Variants in FBXO31 observed in about 807,000 individuals in gnomAD.
FBXO31 encodes the protein F-box only protein 31.
In FBXO31, 24 loss-of-function variants were observed where a neutral mutation model predicts 54.4. The observed-to-expected ratio is 0.44, with a 90% confidence interval of 0.32 to 0.62. The LOEUF is 0.62. FBXO31 is among the 20% of genes least tolerant of loss of function. The pLI, the probability that FBXO31 is intolerant of heterozygous loss-of-function variation, is 0.05. For missense variants in FBXO31, 665 were observed against 787.1 expected (o/e 0.84, Z 1.86); for synonymous variants, 388 against 335.6 (o/e 1.16, Z -1.71).
At chr16:87,371,260 G>T (rs1001916209) in intron 1 of FBXO31, among the ~76,000 whole-genome samples, 12 of 152,228 alleles carry the variant, frequency 7.9e-5, no homozygotes, top group African/African-American at 2.9e-4. Context: ...CAGTAGCCAT[G>T]TGGACAGGAG....
At chr16:87,373,270 T>A (rs1439054593) in intron 1 of FBXO31, among the ~76,000 whole-genome samples, 1 of 151,706 alleles carries the variant, frequency 6.6e-6, no homozygotes, top group Non-Finnish European at 1.5e-5. Flanking sequence ...GCTAACACAG[T>A]GAAACCCTGT....
chr16:87,374,317 G>C (rs935737544), intron 1 of FBXO31, among the ~76,000 whole-genome samples: 15 of 151,918 alleles, frequency 9.9e-5, no homozygotes, highest in Non-Finnish European at 5.9e-5. Flanking sequence ...CCTAACCTAC[G>C]GAACATCACA....
Position 87,331,026 on chromosome 16 carries a change from C to G in FBXO31, c.*262G>C. The G allele has an allele frequency of 2.2e-6, 1 of 445,318 alleles. No individual in the cohort carries two copies. Among genetic ancestry groups the G allele is most frequent in the East Asian group, 4.2e-5 (1 of 23,946 alleles). The allele number at this position is 445,318 out of a possible 1,614,324, so 27.6% of individuals were successfully genotyped here. On this transcript the variant is annotated 3_prime_UTR_variant, in exon 9 of 9. Coordinates refer to ENST00000311635, the MANE Select transcript of FBXO31 (RefSeq NM_024735.5). ...AATTCTCACGCGGTCCCACGGCTGT[C>G]CCCTACATCTGCTGTATTCAGGCTC...
rs1476703329 is a variant in FBXO31 at position 87,346,555 on chromosome 16, G to T, written c.489+619C>A. Reference sequence around the variant, plus strand: ...ACGAACAGGAAAGAAATGTCCTCACGGGTCCTCAGACCCCAACGGCAAGCA... The same window carrying T: ...ACGAACAGGAAAGAAATGTCCTCACTGGTCCTCAGACCCCAACGGCAAGCA... On this transcript the variant is annotated intron_variant, in intron 3 of 8. Coordinates refer to ENST00000311635, the MANE Select transcript of FBXO31 (RefSeq NM_024735.5). This position sits in a 1 kb window ranked among gnomAD's most constrained non-coding sequence, Gnocchi z 4.2. Among the ~76,000 whole-genome samples, 1 of 152,178 alleles carries T rather than the reference G, an allele frequency of 6.6e-6. No homozygotes were observed. Among genetic ancestry groups the T allele is most frequent in the Non-Finnish European group, 1.5e-5 (1 of 68,036 alleles).
At chr16:87,349,426 T>G (rs187229959) in intron 2 of FBXO31, among the ~76,000 whole-genome samples, 33 of 152,286 alleles carry the variant, frequency 2.2e-4, no homozygotes, top group African/African-American at 7.9e-4. Context: ...GATTAAAATT[T>G]CAGCTGCAGG....
At chr16:87,384,543 C>T (rs1474901138), upstream of FBXO31, among the ~76,000 whole-genome samples, 1 of 152,212 alleles carries the variant, frequency 6.6e-6, no homozygotes, top group Non-Finnish European at 1.5e-5. Flanking sequence ...AGCTGGGCTC[C>T]GCCGAGGCCG....
Position 87,383,364 on chromosome 16 carries a change from A to ACCCCCCCCCCC in FBXO31, c.340+40_340+41insGGGGGGGGGGG. ...GCTCCGAGGCCTCCACCTGGCAGGG[A>ACCCCCCCCCCC]CCCCCCGCCCCTCCCGGCCCCGCCA... On this transcript the variant is annotated intron_variant, in intron 1 of 8. Transcript: ENST00000311635. The surrounding 1 kb of genome is among the most constrained non-coding windows in gnomAD (Gnocchi z 4.9). 39 of 1,329,408 alleles carry ACCCCCCCCCCC rather than the reference A, an allele frequency of 2.9e-5. No homozygotes were observed. The highest frequency in any genetic ancestry group is 3.8e-5 in the Non-Finnish European group (37 of 975,740). The allele number at this position is 1,329,408 out of a possible 1,614,324, so 82.4% of individuals were successfully genotyped here. A position where few individuals can be genotyped will look rare whatever the true frequency, so the allele number is the denominator to read the frequency against.
chr16:87,346,132 G>C lies in FBXO31; in HGVS notation c.489+1042C>G, dbSNP rs1329951680. 1.3e-5 allele frequency among the ~76,000 whole-genome samples: 2 copies of C among 152,230 alleles called. No homozygotes were observed. Among genetic ancestry groups the C allele is most frequent in the South Asian group, 4.1e-4 (2 of 4,834 alleles). ...GGACGGCCTCCGGCTGGGCCCTACA[G>C]AGGGTTGTGTCCTGGGAAGGAGAGA... On this transcript the variant is annotated intron_variant, in intron 3 of 8. Transcript: ENST00000311635. The surrounding 1 kb of genome is among the most constrained non-coding windows in gnomAD (Gnocchi z 4.2).
chr16:87,384,664 C>A (rs1265893286), upstream of FBXO31, among the ~76,000 whole-genome samples: 1 of 152,244 alleles, frequency 6.6e-6, no homozygotes. Context: ...CTCTTGGAGG[C>A]CCAGGCGGGA....
In FBXO31 at chr16:87,347,154, C is replaced by T. The variant is rs1054229521; in HGVS notation, c.489+20G>A. The T allele has an allele frequency of 1.7e-5, 28 of 1,611,838 alleles. No homozygotes were observed. Among genetic ancestry groups the T allele is most frequent in the Middle Eastern group, 1.7e-4 (1 of 5,966 alleles). On this transcript the variant is annotated intron_variant, in intron 3 of 8. Coordinates refer to ENST00000311635, the MANE Select transcript of FBXO31 (RefSeq NM_024735.5). ...ACTCCTGCCCGTGCACAGACCTCGTCGCGAGGCTCCGGGACTTACCACCAC... is the reference window on the plus strand; with the variant it reads ...ACTCCTGCCCGTGCACAGACCTCGTTGCGAGGCTCCGGGACTTACCACCAC...
chr16:87,366,307 G>A (rs1167125434), intron 1 of FBXO31, among the ~76,000 whole-genome samples: 2 of 152,302 alleles, frequency 1.3e-5, no homozygotes, highest in East Asian at 1.9e-4. Flanking sequence ...GAGCATATGG[G>A]AACTCTCTGC....
Position 87,334,118 on chromosome 16 carries a change from C to A in FBXO31, c.1165G>T (p.Gly389Cys), listed in dbSNP as rs763713838. 1 of 1,611,030 alleles carries A rather than the reference C, an allele frequency of 6.2e-7. No individual in the cohort carries two copies. The highest frequency in any genetic ancestry group is 8.5e-7 in the Non-Finnish European group (1 of 1,178,800). The change falls in exon 8 of 9, where the codon GGC (glycine) becomes TGC (cysteine). Residue 389 changes from glycine (G) to cysteine (C), a missense_variant. By Grantham distance (159) the Gly-to-Cys change is radical (BLOSUM62 -3). This residue lies in a region of FBXO31 where 165 missense variants were observed against 159.7 expected (regional missense o/e 1.03). Transcript: ENST00000311635. ...QEQQEGGHEA[G>C]EGRGRQGPRE... Reference sequence around the variant, plus strand: ...GGGCCCTGCCGGCCACGACCCTCGCCCGCCTCGTGCCCGCCTTCCTGCTGC... The same window carrying A: ...GGGCCCTGCCGGCCACGACCCTCGCACGCCTCGTGCCCGCCTTCCTGCTGC...
Position 87,338,434 on chromosome 16 carries a change from G to A in FBXO31, c.733-2170C>T, listed in dbSNP as rs1203231077. The stretch of plus-strand genomic sequence containing the variant: ...CCTCCCTTCTCTGCTCCTTTCACAG[G>A]TCTGAGATTTCCAAAAGCCTCAGTC... On this transcript the variant is annotated intron_variant, in intron 5 of 8. Coordinates refer to ENST00000311635, the MANE Select transcript of FBXO31 (RefSeq NM_024735.5). This position sits in a 1 kb window ranked among gnomAD's most constrained non-coding sequence, Gnocchi z 4.3. Among the ~76,000 whole-genome samples, 1 of 139,608 alleles carries A rather than the reference G, an allele frequency of 7.2e-6. No individual in the cohort carries two copies. Among genetic ancestry groups the A allele is most frequent in the African/African-American group, 2.7e-5 (1 of 36,444 alleles). 91.6% of individuals were successfully genotyped at this position (139,608 alleles called of 152,430 possible). A position where few individuals can be genotyped will look rare whatever the true frequency, so the allele number is the denominator to read the frequency against.
Position 87,383,570 on chromosome 16 carries a change from AGGGGCCCG to A in FBXO31, c.167_174del (p.Ala56ValfsTer55). The A allele has an allele frequency of 6.6e-7, 1 of 1,516,904 alleles. No individual in the cohort carries two copies. Among genetic ancestry groups the A allele is most frequent in the Non-Finnish European group, 8.8e-7 (1 of 1,137,846 alleles). The allele number at this position is 1,516,904 out of a possible 1,614,324, so 94.0% of individuals were successfully genotyped here. A position where few individuals can be genotyped will look rare whatever the true frequency, so the allele number is the denominator to read the frequency against. Reference sequence around the variant, plus strand: ...AGCGAGCAGCGCGGGGGCGGCGGCGAGGGGCCCGCGCACAAGCCGCCCCCGACCCCGGC... The same window carrying A: ...AGCGAGCAGCGCGGGGGCGGCGGCGACGCACAAGCCGCCCCCGACCCCGGC... On this transcript the variant is annotated frameshift_variant, in exon 1 of 9. Transcript: ENST00000311635. LOFTEE classifies it high-confidence loss of function. This position sits in a 1 kb window ranked among gnomAD's most constrained non-coding sequence, Gnocchi z 4.9.
At chr16:87,389,157 C>A (rs953167767) in intron 1 of FBXO31, among the ~76,000 whole-genome samples, 1 of 151,384 alleles carries the variant, frequency 6.6e-6, no homozygotes, top group Non-Finnish European at 1.5e-5. Context: ...AATATATATA[C>A]AATAGATATA....
At chr16:87,337,218 G>C (rs117495957) in intron 5 of FBXO31, among the ~76,000 whole-genome samples, 1,885 of 152,290 alleles carry the variant, frequency 0.012, 15 homozygotes, top group Non-Finnish European at 0.019. Flanking sequence ...CATAAGACTT[G>C]GGAATAAATG....
In FBXO31 at chr16:87,351,407, G is replaced by GA. The variant is rs556099380; in HGVS notation, c.413-4158_413-4157insT. Among the ~76,000 whole-genome samples, 37 of 151,440 alleles carry GA rather than the reference G, an allele frequency of 2.4e-4. 1 individual carries two copies. The South Asian group carries it at 7.7e-3, about 32-fold the overall frequency. On this transcript the variant is annotated intron_variant, in intron 2 of 8. Transcript: ENST00000311635. The stretch of plus-strand genomic sequence containing the variant: ...AGTCCTCCCTAAATTGGGCTCTGGT[G>GA]GCGGGGGAAAGGAGCCAGGAACAAC...
chr16:87,380,408 T>C (rs966675970), intron 1 of FBXO31, among the ~76,000 whole-genome samples: 3 of 151,886 alleles, frequency 2.0e-5, no homozygotes, highest in African/African-American at 2.4e-5. Flanking sequence ...TTGTTTTTCA[T>C]GGGTTTTTTT....
chr16:87,331,115 G>T lies in FBXO31; in HGVS notation c.*173C>A. ...CATCATGGCACTGACAAATATGCAG[G>T]TCTATGTCACACTCTCTACATAAAG... On this transcript the variant is annotated 3_prime_UTR_variant, in exon 9 of 9. Transcript: ENST00000311635. 1.6e-6 allele frequency: 1 copy of T among 616,364 alleles called. No individual in the cohort carries two copies. Among genetic ancestry groups the T allele is most frequent in the South Asian group, 2.0e-5 (1 of 50,582 alleles). 38.2% of individuals were successfully genotyped at this position (616,364 alleles called of 1,614,324 possible). A position where few individuals can be genotyped will look rare whatever the true frequency, so the allele number is the denominator to read the frequency against.
Sources: gnomAD v4.1 joint callset for allele counts (sites outside exome capture counted in the v4.1 genomes callset) on GRCh38, gnomAD v4.1.1 for gene constraint, gnomAD v4.1.1 regional missense constraint, Gnocchi (gnomAD v3.1) non-coding constraint, MANE v1.5 for transcripts, NCBI Gene and HGNC (gene_info 2026-07-23, HGNC 2026-07-21) for gene names.